The following LARGE1 variants were observed in gnomAD, a reference collection of about 807,000 sequenced individuals.
LARGE1 encodes LARGE xylosyl- and glucuronyltransferase 1.
A neutral mutation model predicts 87.6 loss-of-function variants in LARGE1; 43 were observed. The observed-to-expected ratio is 0.49, with a 90% CI of 0.38 to 0.63. LARGE1 has a LOEUF of 0.63. LARGE1 is among the 30% of genes least tolerant of loss of function. LARGE1 has a pLI of 0.00. For synonymous variants in LARGE1, 434 were observed against 394.6 expected (o/e 1.10, Z -1.18); for missense variants, 802 against 1,000.2 (o/e 0.80, Z 2.67).
intron 9 of LARGE1, among the ~76,000 whole-genome samples, chr22:33,349,125 G>A (rs915375171): frequency 6.6e-6 from 1 of 152,036 alleles, no homozygotes; most frequent in Non-Finnish European, 1.5e-5. Context: ...CTTCATAGAA[G>A]TATGAAGATG....
chr22:33,844,992 A>T (rs980121240), intron 1 of LARGE1, among the ~76,000 whole-genome samples: 3 of 152,230 alleles, frequency 2.0e-5, no homozygotes, highest in South Asian at 2.1e-4. Context: ...TGCTGGGATT[A>T]CAGACGTGAG....
At chr22:33,885,336 C>A (rs188730564) in intron 1 of LARGE1, among the ~76,000 whole-genome samples, 10 of 152,202 alleles carry the variant, frequency 6.6e-5, no homozygotes, top group African/African-American at 1.7e-4. Context: ...AGCTCCAACT[C>A]CTGCCTCTGA....
intron 9 of LARGE1, among the ~76,000 whole-genome samples, chr22:33,349,499 G>C (rs1457097205): frequency 2.6e-5 from 4 of 152,124 alleles, no homozygotes; most frequent in African/African-American, 9.7e-5. Context: ...CAACATCCCG[G>C]ACTGCTGGAT....
chr22:33,262,283 T>C (rs1158338776), intron 11 of LARGE1, among the ~76,000 whole-genome samples: 1 of 152,214 alleles, frequency 6.6e-6, no homozygotes, highest in African/African-American at 2.4e-5. Flanking sequence ...AAAGAACTCC[T>C]GGAAATTGTC....
intron 2 of LARGE1, among the ~76,000 whole-genome samples, chr22:33,700,222 A>G (rs1213763270): frequency 6.6e-6 from 1 of 152,142 alleles, no homozygotes; most frequent in East Asian, 1.9e-4. Flanking sequence ...AAGACCTGCT[A>G]ACTCAGACAC....
chr22:33,132,627 T>C, the LARGE1 span, among the ~76,000 whole-genome samples: 4 of 151,738 alleles, frequency 2.6e-5, no homozygotes, highest in Admixed American at 6.6e-5. Flanking sequence ...TCATGTATGA[T>C]AGAACACACA....
chr22:33,812,818 G>A (rs181048433), intron 1 of LARGE1, among the ~76,000 whole-genome samples: 3 of 152,256 alleles, frequency 2.0e-5, no homozygotes, highest in East Asian at 3.9e-4. Flanking sequence ...CTGACAACAC[G>A]CCAGGCCCTG....
chr22:33,215,642 T>C (rs1925166523), intron 11 of LARGE1, among the ~76,000 whole-genome samples: 1 of 152,200 alleles, frequency 6.6e-6, no homozygotes, highest in Admixed American at 6.6e-5. Context: ...GACATCATTC[T>C]TGAAGTCATA....
intron 12 of LARGE1, among the ~76,000 whole-genome samples, chr22:33,284,784 G>C (rs775630983): frequency 5.5e-4 from 83 of 152,228 alleles, no homozygotes; most frequent in Non-Finnish European, 1.0e-3. Flanking sequence ...CACCGTGTTG[G>C]CAGGATGGTC....
chr22:33,348,954 A>G (rs902499113), intron 9 of LARGE1, among the ~76,000 whole-genome samples: 1 of 152,124 alleles, frequency 6.6e-6, no homozygotes, highest in Non-Finnish European at 1.5e-5. Flanking sequence ...TTTTATAAAG[A>G]GCAGTTTCCC....
intron 5 of LARGE1, chr22:33,572,225 G>C: frequency 7.8e-7 from 1 of 1,281,602 alleles, no homozygotes; most frequent in South Asian, 1.3e-5. Context: ...CCCAGCTGCA[G>C]AATGTTTGAA....
intron 7 of LARGE1, among the ~76,000 whole-genome samples, chr22:33,431,358 A>C (rs1385712490): frequency 6.6e-6 from 1 of 151,036 alleles, no homozygotes; most frequent in Non-Finnish European, 1.5e-5. Context: ...CACCAATAAC[A>C]GAGAAAGAAA....
intron 1 of LARGE1, among the ~76,000 whole-genome samples, chr22:33,858,955 A>T (rs965620098): frequency 1.4e-5 from 2 of 147,820 alleles, no homozygotes; most frequent in Non-Finnish European, 3.0e-5. Context: ...AAAACCAAAC[A>T]CCGCATCTTC....
At chr22:33,455,912 C>A (rs764095070) in intron 6 of LARGE1, among the ~76,000 whole-genome samples, 1 of 152,104 alleles carries the variant, frequency 6.6e-6, no homozygotes, top group Non-Finnish European at 1.5e-5. Flanking sequence ...TTGTGGGTAT[C>A]GGGGCTGCAA....
intron 1 of LARGE1, among the ~76,000 whole-genome samples, chr22:33,796,807 C>T (rs981846512): frequency 8.2e-5 from 11 of 134,000 alleles, no homozygotes; most frequent in Admixed American, 6.7e-4. Flanking sequence ...GATGGGATGT[C>T]GCTCCGTCTC....
intron 5 of LARGE1, among the ~76,000 whole-genome samples, chr22:33,567,927 A>G (rs781420780): frequency 1.3e-5 from 2 of 152,196 alleles, no homozygotes; most frequent in Admixed American, 6.5e-5. Flanking sequence ...CCATGTTGCT[A>G]CACTTACTTC....
chr22:33,693,916 ACTTTACAT>A (rs2082171631), intron 2 of LARGE1, among the ~76,000 whole-genome samples: 1 of 152,208 alleles, frequency 6.6e-6, no homozygotes, highest in Admixed American at 6.5e-5. Flanking sequence ...GTCATGGTAG[ACTTTACAT>A]AAGTCTTAGG....
intron 9 of LARGE1, among the ~76,000 whole-genome samples, chr22:33,362,308 T>C (rs2064415708): frequency 6.7e-6 from 1 of 149,560 alleles, no homozygotes; most frequent in Admixed American, 6.6e-5. Flanking sequence ...CAAAGAATAA[T>C]GGCCTCAATT....
chr22:33,068,868 G>C, the LARGE1 span, among the ~76,000 whole-genome samples: 1 of 152,100 alleles, frequency 6.6e-6, no homozygotes, highest in Non-Finnish European at 1.5e-5. Flanking sequence ...TTACCTGGTT[G>C]GCCTCCAAGA....
Sources: gnomAD v4.1 joint callset for allele counts (sites outside exome capture counted in the v4.1 genomes callset) on GRCh38, gnomAD v4.1.1 for gene constraint, MANE v1.5 for transcripts, NCBI Gene and HGNC (gene_info 2026-07-23, HGNC 2026-07-21) for gene names.